Variants in EBF2 observed in about 807,000 individuals in gnomAD.
EBF2 encodes transcription factor COE2.
In EBF2, 21 loss-of-function variants were observed where a neutral mutation model predicts 72.8. The ratio of observed to expected loss-of-function variants is 0.29; its 90% CI spans 0.20 to 0.42. The LOEUF is 0.42. Among genes scored for constraint, EBF2 ranks in the 10% least tolerant of loss-of-function variants. The probability of loss-of-function intolerance (pLI) is 1.00; values close to 1 mark genes in which losing one functional copy is unlikely to be tolerated. For synonymous variants in EBF2, 299 were observed against 274.2 expected, an observed-to-expected ratio of 1.09 and a Z score of -0.89; for missense variants, 637 against 731.2, an observed-to-expected ratio of 0.87 and a Z score of 1.49.
At chr8:26,006,085 A>G (rs913446361) in intron 6 of EBF2, among the ~76,000 whole-genome samples, 1 of 152,190 alleles carries the variant, frequency 6.6e-6, no homozygotes, top group African/African-American at 2.4e-5. Context: ...CAGAGTGGGA[A>G]TAAAAAGTTA....
At chr8:26,005,475 TTA>T (rs1804850566) in intron 6 of EBF2, among the ~76,000 whole-genome samples, 1 of 4,044 alleles carries the variant, frequency 2.5e-4, no homozygotes, top group African/African-American at 6.2e-4. Flanking sequence ...AAATATAATA[TTA>T]TTTATAAAAT....
At chr8:25,861,494 A>G in intron 11 of EBF2, 120 bp from the exon 12 acceptor site, 1 of 1,039,094 alleles carries the variant, frequency 9.6e-7, no homozygotes, top group Non-Finnish European at 1.4e-6. Flanking sequence ...GTAATTAGCC[A>G]AGAGGTCCTA....
Position 25,850,701 on chromosome 8 carries a change from G to A in EBF2, c.1589C>T (p.Ser530Phe). ...SSTSSILPFS[S>F]SVFPAVKQKS... ...CTGTTTGACAGCAGGAAAAACTGAAGAGGAAAATGGGAGGATGGAGGATGT... is the reference window on the plus strand; with the variant it reads ...CTGTTTGACAGCAGGAAAAACTGAAAAGGAAAATGGGAGGATGGAGGATGT... Residue 530 changes from serine to phenylalanine, a missense_variant, in exon 15 of 16, where the codon TCT (serine) becomes TTT (phenylalanine). Coordinates refer to ENST00000520164, the MANE Select transcript of EBF2 (RefSeq NM_022659.4). 1 of 1,560,124 alleles carries A rather than the reference G, an allele frequency of 6.4e-7. No homozygotes were observed. The highest frequency in any genetic ancestry group is 2.4e-5 in the East Asian group (1 of 41,218).
intron 6 of EBF2, among the ~76,000 whole-genome samples, chr8:26,024,960 A>C (rs1465088352): frequency 2.0e-5 from 3 of 152,240 alleles, no homozygotes; most frequent in African/African-American, 7.2e-5. Context: ...GAAATAGGTA[A>C]AATAAATAAA....
Position 26,044,901 on chromosome 8 carries a change from T to G in EBF2, c.-42A>C. On this transcript the variant is annotated 5_prime_UTR_variant, in exon 1 of 16. Transcript: ENST00000520164. The surrounding 1 kb of genome is among the most constrained non-coding windows in gnomAD (Gnocchi z 4.1). The stretch of plus-strand genomic sequence containing the variant: ...TCTACTGTCGCTTTAAAAGTAAGAG[T>G]TACAACACAGTCCTGACTGTTCCCA... 2 of 1,607,592 alleles carry G rather than the reference T, an allele frequency of 1.2e-6. No homozygotes were observed. Among genetic ancestry groups the G allele is most frequent in the Non-Finnish European group, 1.7e-6 (2 of 1,176,300 alleles).
In EBF2 at chr8:25,952,939, G is replaced by A. The variant is rs1253317444; in HGVS notation, c.552-44384C>T. ...CTTATGAAAGTCTGAGATATTTCTT[G>A]TACTTCTTTCCCATCCTCTTCTTTC... On this transcript the variant is annotated intron_variant, in intron 6 of 15. Coordinates refer to ENST00000520164, the MANE Select transcript of EBF2 (RefSeq NM_022659.4). 2.0e-5 allele frequency among the ~76,000 whole-genome samples: 3 copies of A among 151,916 alleles called. No homozygotes were observed. The East Asian group carries it at 5.8e-4, about 29-fold the overall frequency.
chr8:25,927,275 C>T (rs1033866930), intron 6 of EBF2, among the ~76,000 whole-genome samples: 3 of 151,288 alleles, frequency 2.0e-5, no homozygotes, highest in African/African-American at 7.3e-5. Flanking sequence ...CCCCACCCCA[C>T]CCTACAATAA....
At chr8:25,868,986 T>C (rs999142145) in intron 10 of EBF2, among the ~76,000 whole-genome samples, 1 of 152,204 alleles carries the variant, frequency 6.6e-6, no homozygotes, top group African/African-American at 2.4e-5. Context: ...ATGTTCTATA[T>C]TTTTAGAAAC....
intron 10 of EBF2, among the ~76,000 whole-genome samples, chr8:25,883,543 A>G (rs748988153): frequency 6.6e-6 from 1 of 151,926 alleles, no homozygotes; most frequent in Non-Finnish European, 1.5e-5. Context: ...TGACACTTCT[A>G]CCTTCAGAAA....
intron 6 of EBF2, among the ~76,000 whole-genome samples, chr8:25,928,782 G>GGA (rs372072422): frequency 1.8e-5 from 2 of 110,374 alleles, no homozygotes; most frequent in Admixed American, 1.0e-4. Flanking sequence ...ATTTTTAAAT[G>GGA]AAAAAAAAAA....
rs538519983 is a variant in EBF2 at position 25,940,636 on chromosome 8, A to T, written c.552-32081T>A. Among the ~76,000 whole-genome samples, 48 of 152,164 alleles carry T rather than the reference A, an allele frequency of 3.2e-4. 1 individual carries two copies. In the South Asian group the frequency reaches 1.0e-2, roughly 32 times the overall value. On this transcript the variant is annotated intron_variant, in intron 6 of 15. Coordinates refer to ENST00000520164, the MANE Select transcript of EBF2 (RefSeq NM_022659.4). ...ATGAAAAAATTAAAAAAAAAAATAA[A>T]AAAAAAACCACAAAACCAAGGCTTG...
intron 6 of EBF2, among the ~76,000 whole-genome samples, chr8:26,001,641 C>T (rs535660479): frequency 6.6e-5 from 10 of 152,122 alleles, no homozygotes; most frequent in South Asian, 2.1e-4. Context: ...CCTCCACCTC[C>T]GAGTTCAAGC....
intron 6 of EBF2, among the ~76,000 whole-genome samples, chr8:25,929,981 A>T (rs989327227): frequency 6.6e-6 from 1 of 152,230 alleles, no homozygotes; most frequent in Non-Finnish European, 1.5e-5. Flanking sequence ...ATGGAGAACA[A>T]AATAATGAGG....
intron 8 of EBF2, among the ~76,000 whole-genome samples, chr8:25,888,740 G>A (rs1335200336): frequency 2.6e-5 from 4 of 152,134 alleles, no homozygotes; most frequent in African/African-American, 9.7e-5. Context: ...AACCCAATAT[G>A]GTTTTCAGGC....
chr8:26,040,645 C>T lies in EBF2; in HGVS notation c.379G>A (p.Val127Ile), dbSNP rs779036101. 11 of 1,555,284 alleles carry T rather than the reference C, an allele frequency of 7.1e-6. No individual in the cohort carries two copies. The South Asian group carries it at 1.2e-4, about 17-fold the overall frequency. The change falls in exon 4 of 16, where the codon GTC becomes ATC. Residue 127 changes from valine to isoleucine, a missense_variant. By Grantham distance (29) the Val-to-Ile change is conservative (BLOSUM62 3). Around this residue, in one of 3 missense-constraint regions of EBF2, gnomAD observed 174 missense variants for 161.9 expected, o/e 1.07. Transcript: ENST00000520164. ...NGVRTEQDLYVRLIDSVTKQP... is the reference protein window; with the variant it reads ...NGVRTEQDLYIRLIDSVTKQP... ...TTGGTGACCGAGTCGATGAGCCTGA[C>T]ATAGAGGTCCTGTTCCGTGCGGACA...
chr8:25,877,254 C>T (rs574592128), intron 10 of EBF2, among the ~76,000 whole-genome samples: 1 of 152,250 alleles, frequency 6.6e-6, no homozygotes, highest in South Asian at 2.1e-4. Flanking sequence ...TGTTGGGTGC[C>T]CCTACTAGGA....
intron 6 of EBF2, among the ~76,000 whole-genome samples, chr8:25,973,753 G>T (rs1804225924): frequency 2.0e-5 from 3 of 152,128 alleles, no homozygotes; most frequent in Non-Finnish European, 4.4e-5. Flanking sequence ...ATGGCCCACT[G>T]CAGCCTCCAC....
At chr8:25,971,725 C>T (rs762162736) in intron 6 of EBF2, among the ~76,000 whole-genome samples, 2 of 152,144 alleles carry the variant, frequency 1.3e-5, no homozygotes, top group Non-Finnish European at 2.9e-5. Context: ...ATAGATACAC[C>T]TTTTTGTGTT....
intron 6 of EBF2, among the ~76,000 whole-genome samples, chr8:26,023,729 G>T (rs1292093693): frequency 1.3e-5 from 2 of 152,134 alleles, no homozygotes; most frequent in Non-Finnish European, 2.9e-5. Flanking sequence ...AAGAAGACAC[G>T]TACTCATGGG....
Sources: allele counts gnomAD v4.1 joint callset (sites outside exome capture counted in the v4.1 genomes callset), GRCh38; gene constraint gnomAD v4.1.1; regional missense constraint gnomAD v4.1.1; non-coding constraint Gnocchi (gnomAD v3.1); transcripts MANE v1.5; gene names NCBI Gene and HGNC (gene_info 2026-07-23, HGNC 2026-07-21).